Variants in SAMMSON observed in about 807,000 individuals in gnomAD.
SAMMSON encodes long intergenic non-protein coding RNA 1212.
intron 6 of SAMMSON, among the ~76,000 whole-genome samples, chr3:70,276,898 T>C (rs940570084): frequency 6.6e-6 from 1 of 152,306 alleles, no homozygotes; most frequent in African/African-American, 2.4e-5. Flanking sequence ...CCAGAAAGTT[T>C]ATGTTCTCAA....
intron 4 of SAMMSON, among the ~76,000 whole-genome samples, chr3:70,220,418 A>G (rs1701452174): frequency 6.6e-6 from 1 of 152,000 alleles, no homozygotes; most frequent in Non-Finnish European, 1.5e-5. Flanking sequence ...CACCTGGGAG[A>G]CAGAGCAAGA....
chr3:70,115,238 A>G (rs987997355), intron 4 of SAMMSON, among the ~76,000 whole-genome samples: 3 of 151,580 alleles, frequency 2.0e-5, no homozygotes, highest in Non-Finnish European at 2.9e-5. Context: ...AAAGAAAGAA[A>G]AAAAGCAGAA....
chr3:70,282,160 G>T (rs566053702), intron 6 of SAMMSON, among the ~76,000 whole-genome samples: 1 of 152,222 alleles, frequency 6.6e-6, no homozygotes, highest in South Asian at 2.1e-4. Context: ...TCAACAGATT[G>T]CTCCCATCTC....
intron 4 of SAMMSON, among the ~76,000 whole-genome samples, chr3:70,170,276 GA>G (rs1274288541): frequency 2.6e-5 from 4 of 151,512 alleles, no homozygotes; most frequent in Non-Finnish European, 5.9e-5. Context: ...CTTATTATCT[GA>G]AAAATGAAAC....
At chr3:70,024,496 C>G (rs2067029568) in intron 3 of SAMMSON, among the ~76,000 whole-genome samples, 1 of 152,120 alleles carries the variant, frequency 6.6e-6, no homozygotes. Flanking sequence ...TTTGAGAAAA[C>G]AAGCTGTTTG....
chr3:70,349,767 A>G (rs1274387325), intron 7 of SAMMSON, among the ~76,000 whole-genome samples: 2 of 152,170 alleles, frequency 1.3e-5, no homozygotes, highest in African/African-American at 2.4e-5. Context: ...TGTAGACAGT[A>G]TATTATGCAT....
At chr3:70,078,752 C>G (rs2067257619) in intron 4 of SAMMSON, among the ~76,000 whole-genome samples, 1 of 152,188 alleles carries the variant, frequency 6.6e-6, no homozygotes, top group African/African-American at 2.4e-5. Flanking sequence ...ATACAGGCAC[C>G]CATGGCACAA....
At chr3:70,219,585 A>C (rs1701443644) in intron 4 of SAMMSON, among the ~76,000 whole-genome samples, 2 of 152,186 alleles carry the variant, frequency 1.3e-5, no homozygotes. Flanking sequence ...TAAGGATCAA[A>C]CAAATTGGGA....
intron 3 of SAMMSON, among the ~76,000 whole-genome samples, chr3:70,023,457 T>G (rs1414236213): frequency 3.4e-5 from 5 of 149,136 alleles, no homozygotes; most frequent in African/African-American, 1.2e-4. Flanking sequence ...CAAGACTCTG[T>G]CTCAAAAAAA....
chr3:70,057,751 C>G (rs2067173394), intron 3 of SAMMSON, among the ~76,000 whole-genome samples: 1 of 151,904 alleles, frequency 6.6e-6, no homozygotes, highest in Non-Finnish European at 1.5e-5. Flanking sequence ...CATTCATATA[C>G]AGGTCAGGAA....
intron 7 of SAMMSON, among the ~76,000 whole-genome samples, chr3:70,336,400 C>T (rs995069722): frequency 9.2e-5 from 14 of 152,088 alleles, no homozygotes; most frequent in Non-Finnish European, 1.9e-4. Flanking sequence ...TAATCAATGT[C>T]GCAGTGGGTA....
At chr3:70,050,776 G>A (rs1191881185) in intron 3 of SAMMSON, among the ~76,000 whole-genome samples, 1 of 152,008 alleles carries the variant, frequency 6.6e-6, no homozygotes, top group Non-Finnish European at 1.5e-5. Flanking sequence ...CGGAGGCATA[G>A]ACTAATCCAT....
intron 6 of SAMMSON, among the ~76,000 whole-genome samples, chr3:70,282,062 T>A (rs1341969224): frequency 6.6e-6 from 1 of 152,130 alleles, no homozygotes; most frequent in African/African-American, 2.4e-5. Context: ...ATAAAGCCAA[T>A]CACTGAGACA....
intron 4 of SAMMSON, among the ~76,000 whole-genome samples, chr3:70,238,110 A>G (rs1388318521): frequency 6.8e-6 from 1 of 147,940 alleles, no homozygotes; most frequent in African/African-American, 2.5e-5. Flanking sequence ...TGCTCCTCAC[A>G]CAGACATATG....
intron 7 of SAMMSON, among the ~76,000 whole-genome samples, chr3:70,320,000 A>C (rs2106716287): frequency 6.6e-6 from 1 of 152,162 alleles, no homozygotes; most frequent in South Asian, 2.1e-4. Flanking sequence ...TCTGCATCCA[A>C]CATGGTGTCC....
At chr3:70,308,087 T>G (rs1398871178) in intron 7 of SAMMSON, among the ~76,000 whole-genome samples, 2 of 152,188 alleles carry the variant, frequency 1.3e-5, no homozygotes, top group Non-Finnish European at 2.9e-5. Flanking sequence ...AGTCTTGCTC[T>G]GTTGCTCAGG....
At chr3:70,282,860 G>A (rs1702102541) in intron 6 of SAMMSON, among the ~76,000 whole-genome samples, 3 of 152,164 alleles carry the variant, frequency 2.0e-5, no homozygotes, top group Non-Finnish European at 4.4e-5. Flanking sequence ...AAAGAGAGGT[G>A]TAAATATTTG....
At chr3:70,032,376 A>G (rs889983145) in intron 3 of SAMMSON, among the ~76,000 whole-genome samples, 1 of 152,218 alleles carries the variant, frequency 6.6e-6, no homozygotes, top group Non-Finnish European at 1.5e-5. Flanking sequence ...TTGAGTTTAT[A>G]GCAACAAAGA....
intron 2 of SAMMSON, among the ~76,000 whole-genome samples, chr3:70,430,881 T>A (rs1039327092): frequency 6.6e-6 from 1 of 152,176 alleles, no homozygotes; most frequent in African/African-American, 2.4e-5. Flanking sequence ...ATTTTCATTC[T>A]GAGAAAATTC....
Sources: gnomAD v4.1 joint callset for allele counts (sites outside exome capture counted in the v4.1 genomes callset) on GRCh38, gnomAD v4.1.1 for gene constraint, MANE v1.5 for transcripts, NCBI Gene and HGNC (gene_info 2026-07-23, HGNC 2026-07-21) for gene names.